Variants in RADX observed in about 807,000 individuals in gnomAD.
The protein encoded by RADX is RPA-related protein RADX.
Under a neutral mutation model 61.6 loss-of-function variants are expected in RADX, and 36 were observed. That is an observed-to-expected ratio of 0.58 (90% CI 0.45 to 0.77). The LOEUF is 0.77. Ranked by LOEUF, RADX falls within the 30% of genes least tolerant of loss-of-function variation. The pLI, the probability that RADX is intolerant of heterozygous loss-of-function variation, is 0.00. For missense variants in RADX, 497 were observed against 651.1 expected, an observed-to-expected ratio of 0.76 and a Z score of 2.58; for synonymous variants, 272 against 237.9, an observed-to-expected ratio of 1.14 and a Z score of -1.32.
chrX:106,665,974 A>T lies in RADX; in HGVS notation c.2270-3189A>T, dbSNP rs540008422. On this transcript the variant is annotated intron_variant, in intron 12 of 13. Coordinates refer to ENST00000372548, the MANE Select transcript of RADX (RefSeq NM_018015.6). ...CTTGCCTTTAAATTCTTGCTGGGCC[A>T]TCTCACTTGCCTCAAATCAATAGAT... Among the ~76,000 whole-genome samples, 3 of 111,503 alleles carry T rather than the reference A, an allele frequency of 2.7e-5. No homozygotes were observed. In the South Asian group the frequency reaches 1.1e-3, roughly 42 times the overall value.
At chrX:106,624,818 C>T (rs987653305) in intron 2 of RADX, among the ~76,000 whole-genome samples, 2 of 111,501 alleles carry the variant, frequency 1.8e-5, no homozygotes, top group African/African-American at 3.3e-5. Context: ...AAACACTTTA[C>T]GGACTGCCTT....
At chrX:106,615,405 C>G (rs1417803059) in intron 1 of RADX, among the ~76,000 whole-genome samples, 1 of 111,093 alleles carries the variant, frequency 9.0e-6, no homozygotes, top group Non-Finnish European at 1.9e-5. Context: ...ACTCACCTCT[C>G]GAATCTCTAA....
At position 106,639,578 on chromosome X, in the gene RADX, T is replaced by C; in HGVS notation, c.1625T>C (p.Leu542Ser). ...GAAGTCAGGAAGGAGATTGAAGACT[T>C]GCAGTATAGGGAACAAAAGCGCATT... Reference protein sequence around the residue: ...ISEVRKEIEDLQYREQKRIAI... With the variant: ...ISEVRKEIEDSQYREQKRIAI... Residue 542 changes from leucine (L) to serine (S), a missense_variant, in exon 9 of 14, where the codon TTG (leucine) becomes TCG (serine). Coordinates refer to ENST00000372548, the MANE Select transcript of RADX (RefSeq NM_018015.6). The C allele has an allele frequency of 8.3e-7, 1 of 1,203,573 alleles. No homozygotes were observed. Among genetic ancestry groups the C allele is most frequent in the African/African-American group, 1.7e-5 (1 of 57,387 alleles).
At chrX:106,652,658 A>T (rs941377381) in intron 11 of RADX, among the ~76,000 whole-genome samples, 6 of 107,452 alleles carry the variant, frequency 5.6e-5, no homozygotes, top group African/African-American at 2.0e-4. Flanking sequence ...CACTCCTCTT[A>T]AAATAATAGA....
chrX:106,654,672 A>G (rs957977120), intron 11 of RADX, among the ~76,000 whole-genome samples: 15 of 111,928 alleles, frequency 1.3e-4, no homozygotes, highest in African/African-American at 4.2e-4. Context: ...CCTAGGCAAT[A>G]TCACTCAGGA....
chrX:106,662,205 T>C lies in RADX; in HGVS notation c.2169T>C (p.Asn723=). 1 of 1,210,658 alleles carries C rather than the reference T, an allele frequency of 8.3e-7. No individual in the cohort carries two copies. The highest frequency in any genetic ancestry group is 1.1e-6 in the Non-Finnish European group (1 of 894,821). The change falls in exon 12 of 14, where the codon AAT becomes AAC. Residue 723 remains asparagine (N), a synonymous_variant. Coordinates refer to ENST00000372548, the MANE Select transcript of RADX (RefSeq NM_018015.6). ...EHRKFLSDQY[N]SQPAKYVPPE... ...GAAAGTTTCTTAGTGACCAGTATAA[T>C]TCTCAGCCTGCGAAATATGTACCAC...
chrX:106,617,862 CAAAT>C (rs1320375845), intron 1 of RADX, among the ~76,000 whole-genome samples: 1 of 111,063 alleles, frequency 9.0e-6, no homozygotes, highest in Non-Finnish European at 1.9e-5. Flanking sequence ...GAATTGGAGA[CAAAT>C]AAGCATCCCG....
At chrX:106,626,143 A>C (rs1461901559) in intron 3 of RADX, among the ~76,000 whole-genome samples, 1 of 111,312 alleles carries the variant, frequency 9.0e-6, no homozygotes, top group South Asian at 3.7e-4. Context: ...TGATTTTTTC[A>C]CTTTCATTTG....
intron 11 of RADX, 145 bp from the exon 12 acceptor site, chrX:106,661,869 AT>A (rs1489962231): frequency 2.4e-6 from 1 of 417,793 alleles, no homozygotes; most frequent in African/African-American, 2.5e-5. Flanking sequence ...TCTTTTGTAT[AT>A]TCATTTTATA....
In RADX at chrX:106,612,158, G is replaced by T; in HGVS notation, c.78G>T (p.Arg26=). The T allele has an allele frequency of 8.3e-7, 1 of 1,211,967 alleles. No individual in the cohort carries two copies. The highest frequency in any genetic ancestry group is 1.1e-6 in the Non-Finnish European group (1 of 895,493). Residue 26 remains arginine, a synonymous_variant, in exon 1 of 14, where the codon CGG becomes CGT. Coordinates refer to ENST00000372548, the MANE Select transcript of RADX (RefSeq NM_018015.6). ...GLDWPNPERN[R]AGVPGGVIRR... is the part of the protein sequence containing the mutation. ...ATTGGCCGAACCCTGAGAGGAATCGGGCTGGGGTCCCGGGAGGGGTGATCC... is the reference window on the plus strand; with the variant it reads ...ATTGGCCGAACCCTGAGAGGAATCGTGCTGGGGTCCCGGGAGGGGTGATCC...
chrX:106,633,790 C>G (rs1927297107), intron 6 of RADX, among the ~76,000 whole-genome samples: 1 of 111,459 alleles, frequency 9.0e-6, no homozygotes, highest in South Asian at 3.7e-4. Flanking sequence ...TGACTTTCTC[C>G]CCTGGATTCA....
At chrX:106,658,379 C>T (rs192256283) in intron 11 of RADX, among the ~76,000 whole-genome samples, 1 of 111,524 alleles carries the variant, frequency 9.0e-6, no homozygotes, top group East Asian at 2.8e-4. Flanking sequence ...TAGGGAGAGA[C>T]TCATGCACCT....
At chrX:106,643,213 T>C (rs1186349499) in intron 10 of RADX, among the ~76,000 whole-genome samples, 1 of 111,601 alleles carries the variant, frequency 9.0e-6, no homozygotes, top group Non-Finnish European at 1.9e-5. Context: ...GAGCTCCTTA[T>C]ACATTCTGGT....
intron 1 of RADX, among the ~76,000 whole-genome samples, chrX:106,616,015 A>G (rs1444421765): frequency 1.8e-5 from 2 of 111,457 alleles, no homozygotes; most frequent in Non-Finnish European, 3.8e-5. Flanking sequence ...GTACTTACAG[A>G]AATTATATGT....
At chrX:106,615,715 T>TC (rs1405021345) in intron 1 of RADX, among the ~76,000 whole-genome samples, 1 of 109,256 alleles carries the variant, frequency 9.2e-6, no homozygotes, top group East Asian at 2.8e-4. Context: ...TTTTTTTTTT[T>TC]CATTTCTGTG....
intron 11 of RADX, among the ~76,000 whole-genome samples, 195 bp downstream of exon 11, chrX:106,648,581 C>T (rs1927720420): frequency 9.0e-6 from 1 of 111,401 alleles, no homozygotes. Context: ...TAATTTTAAA[C>T]AAACTTATAC....
At chrX:106,662,712 CAA>C (rs764434761) in intron 12 of RADX, among the ~76,000 whole-genome samples, 7 of 54,265 alleles carry the variant, frequency 1.3e-4, no homozygotes, top group African/African-American at 2.7e-4. Context: ...AAGCCCCTAC[CAA>C]AAAAAAAAAA....
chrX:106,654,670 A>G (rs747768913), intron 11 of RADX, among the ~76,000 whole-genome samples: 3 of 112,016 alleles, frequency 2.7e-5, no homozygotes, highest in East Asian at 5.6e-4. Flanking sequence ...AACCTAGGCA[A>G]TATCACTCAG....
intron 3 of RADX, among the ~76,000 whole-genome samples, chrX:106,628,202 G>T (rs980464520): frequency 3.6e-5 from 4 of 112,000 alleles, no homozygotes; most frequent in African/African-American, 1.3e-4. Context: ...TTAGGCACAG[G>T]AGATGCAAAA....
Sources: allele counts gnomAD v4.1 joint callset (sites outside exome capture counted in the v4.1 genomes callset), GRCh38; gene constraint gnomAD v4.1.1; transcripts MANE v1.5; gene names NCBI Gene and HGNC (gene_info 2026-07-23, HGNC 2026-07-21).